Variants in SRGAP1 observed in about 807,000 individuals in gnomAD.
SRGAP1 encodes the protein SLIT-ROBO Rho GTPase-activating protein 1.
Under a neutral mutation model 121.9 loss-of-function variants are expected in SRGAP1, and 43 were observed. That is an observed-to-expected ratio of 0.35 (90% confidence interval 0.28 to 0.46). The LOEUF is 0.46. Among genes scored for constraint, SRGAP1 ranks in the 20% least tolerant of loss-of-function variants. The pLI is 1.00. For synonymous variants in SRGAP1, 447 were observed against 485.4 expected (o/e 0.92, Z 1.04); for missense variants, 1,102 against 1,350.9 (o/e 0.82, Z 2.89).
At position 64,158,062 on chromosome 12, in the gene SRGAP1, T is replaced by TA. The variant is rs2037178369; in HGVS notation, c.*15392dup. On this transcript the variant is annotated 3_prime_UTR_variant, in exon 22 of 22. Transcript: ENST00000355086. ...GAGGCCAGGAAATGTCATCTTCCTA[T>TA]AATGCAAGAAAAAGAACCCAGGGCC... 6.6e-6 allele frequency: 1 copy of TA among 152,354 alleles called. No individual in the cohort carries two copies. The highest frequency in any genetic ancestry group is 2.4e-5 in the African/African-American group (1 of 41,464). The allele number at this position is 152,354 out of a possible 1,614,324, so 9.4% of individuals were successfully genotyped here.
intron 3 of SRGAP1, among the ~76,000 whole-genome samples, chr12:64,002,683 C>T (rs1421918609): frequency 6.6e-6 from 1 of 152,114 alleles, no homozygotes; most frequent in Non-Finnish European, 1.5e-5. Flanking sequence ...CTAGAGAGGC[C>T]ACTTTGTGGT....
At chr12:64,043,423 A>G in intron 5 of SRGAP1, 24 bp from the exon 6 acceptor site, 4 of 1,597,736 alleles carry the variant, frequency 2.5e-6, no homozygotes, top group East Asian at 2.2e-5. Flanking sequence ...TTCTTTCCCA[A>G]TGCCTGGATC....
At chr12:63,869,268 C>G (rs1013533578) in intron 1 of SRGAP1, among the ~76,000 whole-genome samples, 14 of 152,126 alleles carry the variant, frequency 9.2e-5, no homozygotes, top group African/African-American at 3.4e-4. Flanking sequence ...AAAGAAAGGG[C>G]AAGAGAGGGC....
At chr12:64,133,486 G>T (rs532778739) in intron 21 of SRGAP1, among the ~76,000 whole-genome samples, 6 of 152,090 alleles carry the variant, frequency 3.9e-5, no homozygotes. Flanking sequence ...CGACATTTTG[G>T]GTCCCCTGGA....
chr12:63,866,057 GT>G (rs59913144), intron 1 of SRGAP1, among the ~76,000 whole-genome samples: 43,996 of 151,790 alleles, frequency 0.29, 7,192 homozygotes, highest in East Asian at 0.55. Context: ...TCAAAATGAC[GT>G]TTTTTTTATT....
chr12:64,056,303 T>C (rs2035339270), intron 6 of SRGAP1, among the ~76,000 whole-genome samples: 1 of 152,008 alleles, frequency 6.6e-6, no homozygotes, highest in South Asian at 2.1e-4. Context: ...GTTCCAAAAA[T>C]CCATTCTCTT....
rs7314885 is a variant in SRGAP1, at chr12:63,889,595, T to A, written c.67+44712T>A. Among the ~76,000 whole-genome samples, 891 of 152,040 alleles carry A rather than the reference T, an allele frequency of 5.9e-3. 6 individuals carry two copies. The highest frequency in any genetic ancestry group is 0.021 in the African/African-American group (855 of 41,486). On this transcript the variant is annotated intron_variant, in intron 1 of 21. Coordinates refer to ENST00000355086, the MANE Select transcript of SRGAP1 (RefSeq NM_020762.4). ...TAGAGTTGATGCTACAGAGAGAATA[T>A]CAATGGCCTTAGGGGGCTTTAAAAA... is the stretch of plus-strand genomic sequence containing the variant.
chr12:63,856,285 TAAA>T (rs1565922411), intron 1 of SRGAP1, among the ~76,000 whole-genome samples: 1 of 143,072 alleles, frequency 7.0e-6, no homozygotes. Flanking sequence ...AATAAATAAA[TAAA>T]TAAATAAAAA....
chr12:63,981,994 A>G (rs1249216697), intron 1 of SRGAP1, among the ~76,000 whole-genome samples: 1 of 152,016 alleles, frequency 6.6e-6, no homozygotes, highest in Non-Finnish European at 1.5e-5. Context: ...TGGGCGGATC[A>G]CGAGGTCAGG....
At chr12:64,125,588 T>A (rs140508247) in intron 18 of SRGAP1, among the ~76,000 whole-genome samples, 168 of 152,316 alleles carry the variant, frequency 1.1e-3, no homozygotes, top group African/African-American at 3.7e-3. Context: ...ACAAGGAAAT[T>A]CCCTCAGTGT....
At chr12:63,922,444 G>T (rs576401744) in intron 1 of SRGAP1, among the ~76,000 whole-genome samples, 1 of 152,302 alleles carries the variant, frequency 6.6e-6, no homozygotes, top group African/African-American at 2.4e-5. Context: ...TTACATTAGG[G>T]ATGCCCTGGA....
At chr12:64,044,690 T>TTTTTTTTTTTTTTTTTTTTTTTG (rs2035091439) in intron 6 of SRGAP1, among the ~76,000 whole-genome samples, 1 of 142,378 alleles carries the variant, frequency 7.0e-6, no homozygotes, top group Non-Finnish European at 1.5e-5. Context: ...TTTTTTTTTT[T>TTTTTTTTTTTTTTTTTTTTTTTG]TTTTTTTTTA....
chr12:63,995,149 C>A (rs1245490531), intron 3 of SRGAP1, among the ~76,000 whole-genome samples: 1 of 152,176 alleles, frequency 6.6e-6, no homozygotes. Flanking sequence ...TGAAGTCTGT[C>A]ATTTCCCCAA....
chr12:64,161,694 T>A lies in SRGAP1; in HGVS notation c.*19022T>A, dbSNP rs2037210209. ...GTTTATGTTACAGGCTTTCCTAAAA[T>A]TCCTGGTGATCCTTGGCTATCTGCT... On this transcript the variant is annotated 3_prime_UTR_variant, in exon 22 of 22. Coordinates refer to ENST00000355086, the MANE Select transcript of SRGAP1 (RefSeq NM_020762.4). 1 of 152,220 alleles carries A rather than the reference T, an allele frequency of 6.6e-6. No homozygotes were observed. The highest frequency in any genetic ancestry group is 6.5e-5 in the Admixed American group (1 of 15,278). The allele number at this position is 152,220 out of a possible 1,614,324, so 9.4% of individuals were successfully genotyped here.
intron 1 of SRGAP1, among the ~76,000 whole-genome samples, chr12:63,885,722 CAGAG>C (rs1316353182): frequency 6.6e-6 from 1 of 152,104 alleles, no homozygotes; most frequent in African/African-American, 2.4e-5. Flanking sequence ...AGGAGAAGTT[CAGAG>C]AGAGAGATTC....
At chr12:64,112,082 A>G (rs2036438953) in intron 17 of SRGAP1, 96 bp downstream of exon 17, 3 of 952,258 alleles carry the variant, frequency 3.2e-6, no homozygotes, top group Non-Finnish European at 4.7e-6. Flanking sequence ...TAAGCCACCA[A>G]TGCTTCCAAC....
At chr12:64,020,222 G>A (rs550370569) in intron 4 of SRGAP1, among the ~76,000 whole-genome samples, 3 of 152,258 alleles carry the variant, frequency 2.0e-5, no homozygotes, top group East Asian at 1.9e-4. Context: ...CCATTTATAC[G>A]TTAGAGTGAA....
intron 1 of SRGAP1, among the ~76,000 whole-genome samples, chr12:63,895,676 C>T (rs1415567373): frequency 1.3e-5 from 2 of 152,194 alleles, no homozygotes; most frequent in Non-Finnish European, 2.9e-5. Flanking sequence ...CTCCCATTTC[C>T]TTTGGGTAAA....
intron 1 of SRGAP1, among the ~76,000 whole-genome samples, chr12:63,954,539 G>A (rs984524848): frequency 6.6e-5 from 10 of 152,002 alleles, no homozygotes; most frequent in Admixed American, 5.9e-4. Flanking sequence ...TTAGTCCGGC[G>A]TGGTGGTGGG....
Sources: allele counts gnomAD v4.1 joint callset (sites outside exome capture counted in the v4.1 genomes callset), GRCh38; gene constraint gnomAD v4.1.1; transcripts MANE v1.5; gene names NCBI Gene and HGNC (gene_info 2026-07-23, HGNC 2026-07-21).